The following PCED1B variants were observed in gnomAD, a reference collection of about 807,000 sequenced individuals.
PCED1B encodes the protein PC-esterase domain-containing protein 1B.
For synonymous variants in PCED1B, 251 were observed against 246.1 expected, an observed-to-expected ratio of 1.02 and a Z score of -0.19; for missense variants, 573 against 573.9, an observed-to-expected ratio of 1.00 and a Z score of 0.02.
At chr12:47,164,481 G>A (rs1941482368) in intron 2 of PCED1B, among the ~76,000 whole-genome samples, 1 of 152,206 alleles carries the variant, frequency 6.6e-6, no homozygotes, top group African/African-American at 2.4e-5. Flanking sequence ...CACTGGTATG[G>A]GGACTGGGTC....
chr12:47,171,239 G>A (rs1941724182), intron 2 of PCED1B, among the ~76,000 whole-genome samples: 3 of 151,902 alleles, frequency 2.0e-5, no homozygotes, highest in South Asian at 2.1e-4. Context: ...GGCTAATTTT[G>A]TATTTTTAGT....
intron 2 of PCED1B, among the ~76,000 whole-genome samples, chr12:47,116,911 A>G (rs1471794609): frequency 6.6e-6 from 1 of 152,226 alleles, no homozygotes; most frequent in Non-Finnish European, 1.5e-5. Context: ...GGTTTTTAGT[A>G]TATTCACAAA....
intron 2 of PCED1B, among the ~76,000 whole-genome samples, chr12:47,117,768 G>A (rs138667076): frequency 0.078 from 11,812 of 152,114 alleles, 722 homozygotes; most frequent in African/African-American, 0.17. Flanking sequence ...TTGAGGAATC[G>A]CCACACTGTC....
intron 2 of PCED1B, among the ~76,000 whole-genome samples, chr12:47,113,653 A>G (rs1336938287): frequency 4.6e-5 from 7 of 152,208 alleles, no homozygotes; most frequent in Admixed American, 3.9e-4. Flanking sequence ...ACCTGTATGC[A>G]GAGAACCATA....
At chr12:47,082,543 C>T (rs1937790366) in intron 1 of PCED1B, among the ~76,000 whole-genome samples, 1 of 152,144 alleles carries the variant, frequency 6.6e-6, no homozygotes, top group African/African-American at 2.4e-5. Context: ...AGTTGCATGT[C>T]ACTTGTGACG....
rs183288557 is a variant in PCED1B at position 47,144,485 on chromosome 12, C to T, written c.-526+40290C>T. ...CCTGAATAGGCTTTTTTATTCTTCACATGGCCAGGTTGAAAATTTTCAAAA... is the reference window on the plus strand; with the variant it reads ...CCTGAATAGGCTTTTTTATTCTTCATATGGCCAGGTTGAAAATTTTCAAAA... On this transcript the variant is annotated intron_variant, in intron 2 of 3. Transcript: ENST00000546455. Among the ~76,000 whole-genome samples the T allele has an allele frequency of 2.0e-5, 3 of 152,282 alleles. No homozygotes were observed. The East Asian group carries it at 5.8e-4, about 29-fold the overall frequency.
intron 2 of PCED1B, among the ~76,000 whole-genome samples, chr12:47,201,123 T>C (rs1459244245): frequency 6.6e-6 from 1 of 152,144 alleles, no homozygotes; most frequent in African/African-American, 2.4e-5. Flanking sequence ...TTTTCTTTTA[T>C]ACTTTCGTTT....
chr12:47,199,415 T>C (rs2137698949), intron 2 of PCED1B, among the ~76,000 whole-genome samples: 1 of 152,224 alleles, frequency 6.6e-6, no homozygotes, highest in African/African-American at 2.4e-5. Flanking sequence ...TATAAGAAAA[T>C]GCAAAAGACC....
chr12:47,228,066 C>T (rs1244624494), intron 3 of PCED1B, among the ~76,000 whole-genome samples: 1 of 150,748 alleles, frequency 6.6e-6, no homozygotes, highest in Non-Finnish European at 1.5e-5. Context: ...CAAAGTCACA[C>T]TCTGTTGCCC....
At position 47,216,392 on chromosome 12, in the gene PCED1B, G is replaced by A. The variant is rs1327422315; in HGVS notation, c.-355G>A. ...TCTTTGTATTGACTTACCATTTCAT[G>A]TTTTCACACATGTCAAAGTCTTGAA... is the stretch of plus-strand genomic sequence containing the variant. On this transcript the variant is annotated 5_prime_UTR_variant, in exon 3 of 4. The change abolishes an upstream ATG in the 5' untranslated region. Transcript: ENST00000546455. The A allele has an allele frequency of 6.6e-6, 1 of 152,240 alleles. No homozygotes were observed. The highest frequency in any genetic ancestry group is 1.5e-5 in the Non-Finnish European group (1 of 68,044). The allele number at this position is 152,240 out of a possible 1,614,324, so 9.4% of individuals were successfully genotyped here.
intron 2 of PCED1B, among the ~76,000 whole-genome samples, chr12:47,148,072 G>A (rs1209149995): frequency 2.6e-5 from 4 of 152,220 alleles, no homozygotes; most frequent in Non-Finnish European, 4.4e-5. Context: ...TGTTGTGAAA[G>A]CCTTCATGCT....
Position 47,164,965 on chromosome 12 carries a change from C to G in PCED1B, c.-525-51257C>G, listed in dbSNP as rs558832960. Among the ~76,000 whole-genome samples, 3 of 152,302 alleles carry G rather than the reference C, an allele frequency of 2.0e-5. No homozygotes were observed. The East Asian group carries it at 5.8e-4, about 29-fold the overall frequency. ...GCCTATGGGGAATAGTTGGAACTGT[C>G]CCCTGAAACCATTCTGATCTCCTAG... On this transcript the variant is annotated intron_variant, in intron 2 of 3. Transcript: ENST00000546455.
chr12:47,119,855 C>T (rs1477989553), intron 2 of PCED1B, among the ~76,000 whole-genome samples: 1 of 151,860 alleles, frequency 6.6e-6, no homozygotes, highest in Non-Finnish European at 1.5e-5. Flanking sequence ...ATCCCAGCTA[C>T]TTGGGGGAGG....
chr12:47,170,561 T>C (rs768022026), intron 2 of PCED1B, among the ~76,000 whole-genome samples: 44 of 152,230 alleles, frequency 2.9e-4, no homozygotes, highest in African/African-American at 1.9e-4. Context: ...TTTAATTTCA[T>C]TGGTGGTTTT....
chr12:47,173,702 T>A (rs1267416989), intron 2 of PCED1B, among the ~76,000 whole-genome samples: 1 of 152,200 alleles, frequency 6.6e-6, no homozygotes, highest in African/African-American at 2.4e-5. Context: ...ATGATTATGA[T>A]TAATCTTTGA....
chr12:47,236,483 C>T lies in PCED1B; in HGVS notation c.*121C>T. The T allele has an allele frequency of 9.6e-7, 1 of 1,040,362 alleles. No homozygotes were observed. The highest frequency in any genetic ancestry group is 1.9e-5 in the South Asian group (1 of 52,208). 64.4% of individuals were successfully genotyped at this position (1,040,362 alleles called of 1,614,324 possible). A position where few individuals can be genotyped will look rare whatever the true frequency, so the allele number is the denominator to read the frequency against. On this transcript the variant is annotated 3_prime_UTR_variant, in exon 4 of 4. Transcript: ENST00000546455. Reference sequence around the variant, plus strand: ...CTTAAGCCTGGAGTCCATGCCTCGTCTTCCTTTTGTTCATTGCTGTTACCA... The same window carrying T: ...CTTAAGCCTGGAGTCCATGCCTCGTTTTCCTTTTGTTCATTGCTGTTACCA...
At chr12:47,099,343 A>G (rs1938608029) in intron 1 of PCED1B, among the ~76,000 whole-genome samples, 1 of 152,146 alleles carries the variant, frequency 6.6e-6, no homozygotes, top group Non-Finnish European at 1.5e-5. Context: ...TTTGAGGGCT[A>G]CTTACCATCA....
chr12:47,192,140 A>G (rs1291068842), intron 2 of PCED1B, among the ~76,000 whole-genome samples: 4 of 121,530 alleles, frequency 3.3e-5, no homozygotes, highest in East Asian at 4.5e-4. Flanking sequence ...TGCTTTAACT[A>G]TTTCAAAAAT....
intron 2 of PCED1B, among the ~76,000 whole-genome samples, chr12:47,158,440 C>A (rs928231628): frequency 6.6e-6 from 1 of 152,112 alleles, no homozygotes; most frequent in Admixed American, 6.5e-5. Context: ...CCTTACTGGC[C>A]ATTTGCATAT....
Sources: gnomAD v4.1 joint callset for allele counts (sites outside exome capture counted in the v4.1 genomes callset) on GRCh38, gnomAD v4.1.1 for gene constraint, MANE v1.5 for transcripts, NCBI Gene and HGNC (gene_info 2026-07-23, HGNC 2026-07-21) for gene names.